Variants in FMN1 observed in about 807,000 individuals in gnomAD.
FMN1 encodes formin 1.
Under a neutral mutation model 132.4 loss-of-function variants are expected in FMN1, and 110 were observed. The ratio of observed to expected loss-of-function variants is 0.83; its 90% CI spans 0.71 to 0.97. The LOEUF (loss-of-function observed/expected upper bound fraction) is 0.97, where lower values mean the gene tolerates loss of function less well. Ranked by LOEUF, FMN1 falls within the 50% of genes least tolerant of loss-of-function variation. FMN1 has a pLI of 0.00. For missense variants in FMN1, 1,792 were observed against 1,705.3 expected, an observed-to-expected ratio of 1.05 and a Z score of -0.90; for synonymous variants, 722 against 651.7, an observed-to-expected ratio of 1.11 and a Z score of -1.64.
At chr15:33,130,133 AT>A (rs1963476697) in intron 4 of FMN1, among the ~76,000 whole-genome samples, 1 of 152,034 alleles carries the variant, frequency 6.6e-6, no homozygotes, top group African/African-American at 2.4e-5. Context: ...CACCCAGCCT[AT>A]TTTTTCATTC....
intron 17 of FMN1, among the ~76,000 whole-genome samples, chr15:32,838,669 A>C (rs896006904): frequency 1.3e-5 from 2 of 152,240 alleles, no homozygotes; most frequent in South Asian, 2.1e-4. Flanking sequence ...AATTAAGGAA[A>C]GATATTACCC....
At chr15:33,104,153 T>C (rs1566918262) in intron 4 of FMN1, among the ~76,000 whole-genome samples, 2 of 152,118 alleles carry the variant, frequency 1.3e-5, no homozygotes, top group Admixed American at 6.6e-5. Context: ...TAAAACGACT[T>C]CACCAAATGA....
At chr15:32,838,798 TG>T (rs1302675540) in intron 17 of FMN1, among the ~76,000 whole-genome samples, 8 of 152,238 alleles carry the variant, frequency 5.3e-5, no homozygotes, top group Non-Finnish European at 8.8e-5. Flanking sequence ...TGAATGACAG[TG>T]GCTGTTGCCA....
intron 6 of FMN1, among the ~76,000 whole-genome samples, chr15:33,053,153 T>A (rs1021259646): frequency 6.6e-6 from 1 of 152,190 alleles, no homozygotes; most frequent in African/African-American, 2.4e-5. Context: ...TCTGAAAGGC[T>A]GTAGAACTAG....
intron 17 of FMN1, among the ~76,000 whole-genome samples, chr15:32,855,309 G>A (rs1187329937): frequency 2.6e-5 from 4 of 152,012 alleles, no homozygotes; most frequent in African/African-American, 4.8e-5. Flanking sequence ...AGAGAGTTGA[G>A]AACCACTGTT....
At position 32,820,754 on chromosome 15, in the gene FMN1, C is replaced by T. The variant is rs534336747; in HGVS notation, c.3929-16422G>A. 3.3e-5 allele frequency among the ~76,000 whole-genome samples: 5 copies of T among 152,280 alleles called. No individual in the cohort carries two copies. In the South Asian group the frequency reaches 8.3e-4, roughly 25 times the overall value. On this transcript the variant is annotated intron_variant, in intron 17 of 20. Transcript: ENST00000616417. ...AAGGGCTGATAATTGTTTTGTCAAA[C>T]TTTTAAAATTCTGCAAATTACATAG... is the stretch of plus-strand genomic sequence containing the variant.
intron 15 of FMN1, among the ~76,000 whole-genome samples, chr15:32,895,142 A>G (rs2060123225): frequency 6.6e-6 from 1 of 152,096 alleles, no homozygotes; most frequent in South Asian, 2.1e-4. Flanking sequence ...AAATTTCTTA[A>G]AAGGTTACAC....
At chr15:33,128,810 G>C (rs145446821) in intron 4 of FMN1, among the ~76,000 whole-genome samples, 152 of 152,318 alleles carry the variant, frequency 1.0e-3, no homozygotes, top group African/African-American at 3.4e-3. Context: ...TTACTGTCAC[G>C]AGCAAAATAA....
At position 33,088,803 on chromosome 15, in the gene FMN1, A is replaced by T; in HGVS notation, c.2039T>A (p.Leu680His). 6.5e-7 allele frequency: 1 copy of T among 1,534,338 alleles called. No homozygotes were observed. Among genetic ancestry groups the T allele is most frequent in the Non-Finnish European group, 8.7e-7 (1 of 1,146,086 alleles). Residue 680 changes from leucine to histidine, a missense_variant, in exon 5 of 21, where the codon CTC becomes CAC. Transcript: ENST00000616417. ...KSNRSELYLD[L>H]HPDHSLTEQD... is the part of the protein sequence containing the mutation. ...ATCACCAAGATTTCTACTTACATGGAGATCCAAGTACAATTCGCTCCTGTT... is the reference window on the plus strand; with the variant it reads ...ATCACCAAGATTTCTACTTACATGGTGATCCAAGTACAATTCGCTCCTGTT...
intron 16 of FMN1, among the ~76,000 whole-genome samples, chr15:32,878,797 C>G (rs1442048962): frequency 6.6e-6 from 1 of 152,084 alleles, no homozygotes; most frequent in African/African-American, 2.4e-5. Context: ...ATGATTGCAG[C>G]TTTTATTTCA....
intron 4 of FMN1, chr15:33,105,896 T>C (rs1253626010): frequency 6.6e-6 from 1 of 152,090 alleles, no homozygotes; most frequent in East Asian, 1.9e-4. Context: ...GCTTGTACTG[T>C]CTCCTATTAG....
At chr15:33,145,399 T>A (rs1048708634) in intron 4 of FMN1, among the ~76,000 whole-genome samples, 1 of 151,910 alleles carries the variant, frequency 6.6e-6, no homozygotes, top group African/African-American at 2.4e-5. Context: ...ATAGGGACAC[T>A]GCTTCCCCAA....
intron 16 of FMN1, among the ~76,000 whole-genome samples, chr15:32,880,819 C>T (rs1030868958): frequency 2.6e-5 from 4 of 152,160 alleles, no homozygotes; most frequent in Admixed American, 2.0e-4. Context: ...GTAATCCATC[C>T]CCACATCCCA....
chr15:32,848,975 TTG>T (rs1425101575), intron 17 of FMN1, among the ~76,000 whole-genome samples: 5 of 104,900 alleles, frequency 4.8e-5, no homozygotes, highest in Admixed American at 2.1e-4. Flanking sequence ...TAGTTCTCTT[TTG>T]TTTTTTTTTT....
intron 8 of FMN1, among the ~76,000 whole-genome samples, chr15:32,967,549 G>T (rs1228636973): frequency 6.6e-6 from 1 of 152,172 alleles, no homozygotes; most frequent in African/African-American, 2.4e-5. Context: ...TTAGTTAATG[G>T]CAGAAGCTAT....
chr15:32,968,912 AGTGGGGGTGGGG>A lies in FMN1; in HGVS notation c.2777_2788del (p.Pro926_Pro929del), dbSNP rs751087422. On this transcript the variant is annotated inframe_deletion, in exon 8 of 21. Transcript: ENST00000616417. Reference sequence around the variant, plus strand: ...GTTGGGTGGGGCAGGGGAGTTAGGAAGTGGGGGTGGGGGTGGGGGTGGTGGAGGTCCAGCACT... The same window carrying A: ...GTTGGGTGGGGCAGGGGAGTTAGGAAGTGGGGGTGGTGGAGGTCCAGCACT... 4.1e-5 allele frequency: 3 copies of A among 72,536 alleles called. No homozygotes were observed. Among genetic ancestry groups the A allele is most frequent in the Non-Finnish European group, 6.6e-5 (3 of 45,360 alleles). 4.5% of individuals were successfully genotyped at this position (72,536 alleles called of 1,614,324 possible).
intron 4 of FMN1, among the ~76,000 whole-genome samples, chr15:33,099,672 TGTGTTGATATATTTG>T (rs1383169619): frequency 6.6e-6 from 1 of 152,224 alleles, no homozygotes; most frequent in Admixed American, 6.5e-5. Flanking sequence ...TTTAAGGAGC[TGTGTTGATATATTTG>T]GTAGGGATAC....
rs147418321 is a variant in FMN1, at chr15:33,129,862, G to A, written c.1867+23186C>T. On this transcript the variant is annotated intron_variant, in intron 4 of 20. Coordinates refer to ENST00000616417, the MANE Select transcript of FMN1 (RefSeq NM_001277313.2). Reference sequence around the variant, plus strand: ...GGCTGGAGTGCAGTGGCACAATCTCGGCTCACTGCAACCTCCACCTCCCAG... The same window carrying A: ...GGCTGGAGTGCAGTGGCACAATCTCAGCTCACTGCAACCTCCACCTCCCAG... Among the ~76,000 whole-genome samples the A allele has an allele frequency of 9.3e-3, 1,361 of 146,754 alleles. 19 individuals are homozygous for A. The highest frequency in any genetic ancestry group is 0.033 in the African/African-American group (1,292 of 39,328).
chr15:32,945,666 A>T (rs1439691142), intron 9 of FMN1, among the ~76,000 whole-genome samples: 1 of 152,166 alleles, frequency 6.6e-6, no homozygotes, highest in African/African-American at 2.4e-5. Context: ...TTGATATGAT[A>T]ATCATTGCAT....
Sources: allele counts gnomAD v4.1 joint callset (sites outside exome capture counted in the v4.1 genomes callset), GRCh38; gene constraint gnomAD v4.1.1; transcripts MANE v1.5; gene names NCBI Gene and HGNC (gene_info 2026-07-23, HGNC 2026-07-21).